EYS: variants seen among roughly 807,000 people sequenced by gnomAD.
EYS encodes EGF-like photoreceptor maintenance factor.
EYS carries 250 observed loss-of-function variants against 282.1 expected under a neutral mutation model. The observed-to-expected ratio is 0.89, with a 90% CI of 0.80 to 0.98. EYS has a LOEUF of 0.98. Ranked by LOEUF, EYS falls within the 50% of genes least tolerant of loss-of-function variation. EYS has a pLI of 0.00. For missense variants in EYS, 4,016 were observed against 3,709.0 expected (o/e 1.08, Z -2.15); for synonymous variants, 1,355 against 1,282.9 (o/e 1.06, Z -1.20).
At chr6:64,701,887 G>A (rs1392405042) in intron 22 of EYS, among the ~76,000 whole-genome samples, 1 of 151,870 alleles carries the variant, frequency 6.6e-6, no homozygotes, top group Admixed American at 6.6e-5. Context: ...AAGAGCAGAA[G>A]TATATAATAA....
intron 35 of EYS, among the ~76,000 whole-genome samples, chr6:63,913,610 G>T (rs516498): frequency 5.9e-5 from 9 of 152,060 alleles, no homozygotes; most frequent in African/African-American, 2.2e-4. Flanking sequence ...GGCATATTTC[G>T]CTTAGTATTA....
At chr6:65,053,256 G>A (rs1425312036) in intron 13 of EYS, among the ~76,000 whole-genome samples, 8 of 151,626 alleles carry the variant, frequency 5.3e-5, no homozygotes, top group Admixed American at 1.3e-4. Context: ...TAAATTCTCA[G>A]AAAAACACTC....
intron 35 of EYS, among the ~76,000 whole-genome samples, chr6:63,928,512 C>T (rs1270824120): frequency 1.5e-5 from 2 of 130,584 alleles, no homozygotes; most frequent in Admixed American, 8.4e-5. Context: ...TCTACTGTTG[C>T]TCACCTTTTG....
chr6:63,887,311 G>GGT (rs1413566191), intron 35 of EYS, among the ~76,000 whole-genome samples: 4 of 110,778 alleles, frequency 3.6e-5, no homozygotes, highest in African/African-American at 7.5e-5. Flanking sequence ...AGGAATAAAA[G>GGT]GTGTTTTTTT....
chr6:65,352,086 A>T (rs1242834577), intron 9 of EYS, among the ~76,000 whole-genome samples: 1 of 151,880 alleles, frequency 6.6e-6, no homozygotes, highest in African/African-American at 2.4e-5. Flanking sequence ...CTCTTCTACC[A>T]CTTTTGGTCT....
chr6:64,415,927 T>G (rs1001202382), intron 28 of EYS, among the ~76,000 whole-genome samples: 6 of 152,216 alleles, frequency 3.9e-5, no homozygotes, highest in African/African-American at 1.4e-4. Context: ...GTTTCTAAGC[T>G]TTATAGAAAC....
intron 22 of EYS, among the ~76,000 whole-genome samples, chr6:64,654,282 A>G (rs1768670274): frequency 6.6e-6 from 1 of 152,216 alleles, no homozygotes; most frequent in Admixed American, 6.5e-5. Flanking sequence ...ACTTTTACAA[A>G]TAATATGCAT....
At chr6:65,249,747 T>C (rs905717661) in intron 12 of EYS, among the ~76,000 whole-genome samples, 1 of 152,068 alleles carries the variant, frequency 6.6e-6, no homozygotes, top group African/African-American at 2.4e-5. Flanking sequence ...TGTCATAATA[T>C]AGAGAAAACC....
chr6:63,870,133 C>T (rs1466358218), intron 35 of EYS, among the ~76,000 whole-genome samples: 1 of 152,086 alleles, frequency 6.6e-6, no homozygotes, highest in African/African-American at 2.4e-5. Context: ...AGATAATGTG[C>T]CTATTTTGAA....
chr6:64,195,132 GT>G (rs1765243365), intron 31 of EYS, among the ~76,000 whole-genome samples: 1 of 151,696 alleles, frequency 6.6e-6, no homozygotes, highest in South Asian at 2.1e-4. Context: ...AAGCATCACT[GT>G]TTTTTGCATA....
chr6:64,796,892 G>A (rs1774371269), intron 22 of EYS, among the ~76,000 whole-genome samples: 1 of 152,018 alleles, frequency 6.6e-6, no homozygotes. Flanking sequence ...TTGTAATTTG[G>A]GGCTTAGGGA....
chr6:65,504,120 A>C (rs900444751), intron 2 of EYS, among the ~76,000 whole-genome samples: 8 of 151,612 alleles, frequency 5.3e-5, no homozygotes, highest in Non-Finnish European at 1.5e-5. Context: ...ATATTCATTT[A>C]GGTTTTTATC....
intron 12 of EYS, among the ~76,000 whole-genome samples, chr6:65,125,277 T>A (rs1007276414): frequency 3.9e-5 from 6 of 152,174 alleles, no homozygotes; most frequent in Admixed American, 1.3e-4. Flanking sequence ...GCAAAGCCAA[T>A]GTCATTAGGA....
At chr6:65,653,553 C>T (rs1024415393) in intron 1 of EYS, among the ~76,000 whole-genome samples, 2 of 151,704 alleles carry the variant, frequency 1.3e-5, no homozygotes, top group Non-Finnish European at 2.9e-5. Flanking sequence ...ATATCATTGC[C>T]GTATTCACAA....
rs190752365 is a variant in EYS at position 64,294,538 on chromosome 6, G to A, written c.6191+12432C>T. On this transcript the variant is annotated intron_variant, in intron 30 of 42. Transcript: ENST00000503581. ...GTAATAAAATCCTGCATCACATGTC[G>A]TCTTCCAAGGACCATCTGTCCAGAT... Among the ~76,000 whole-genome samples the A allele has an allele frequency of 1.6e-4, 24 of 152,162 alleles. 1 individual carries two copies. The highest frequency in any genetic ancestry group is 1.1e-3 in the Admixed American group (17 of 15,278).
At chr6:64,155,818 GATTACTGAGGTTCCTTGTGTCTCCTT>G (rs1183760444) in intron 31 of EYS, among the ~76,000 whole-genome samples, 3 of 151,894 alleles carry the variant, frequency 2.0e-5, no homozygotes, top group Non-Finnish European at 4.4e-5. Context: ...TATTTATCTT[GATTACTGAGGTTCCTTGTGTCTCCTT>G]ATATTTTGTG....
In EYS at chr6:65,407,760, TG is replaced by T. The variant is rs1766814435; in HGVS notation, c.863-2394del. On this transcript the variant is annotated intron_variant, in intron 5 of 42. Transcript: ENST00000503581. ...TAATAAGTCCGTGTGTGTGTGTGTG[TG>T]TGTGTGTGTGTGTGTGTGTGTGTGT... 5.3e-5 allele frequency among the ~76,000 whole-genome samples: 8 copies of T among 150,766 alleles called. No homozygotes were observed. The Middle Eastern group carries it at 0.01, about 194-fold the overall frequency.
chr6:65,349,009 T>C (rs1346171031), intron 9 of EYS, among the ~76,000 whole-genome samples: 1 of 151,686 alleles, frequency 6.6e-6, no homozygotes, highest in African/African-American at 2.4e-5. Context: ...TGTATCTATT[T>C]CAATTTAATC....
At chr6:64,127,357 A>G (rs940906523) in intron 31 of EYS, among the ~76,000 whole-genome samples, 6 of 152,184 alleles carry the variant, frequency 3.9e-5, no homozygotes, top group Non-Finnish European at 7.4e-5. Context: ...ACTTACTATC[A>G]TCTAAAAATT....
Sources: allele counts gnomAD v4.1 joint callset (sites outside exome capture counted in the v4.1 genomes callset), GRCh38; gene constraint gnomAD v4.1.1; transcripts MANE v1.5; gene names NCBI Gene and HGNC (gene_info 2026-07-23, HGNC 2026-07-21).